The following COL1A1 variants were observed in gnomAD, a reference collection of about 807,000 sequenced individuals.
The protein encoded by COL1A1 is collagen type I alpha 1 chain.
Under a neutral mutation model 195.7 loss-of-function variants are expected in COL1A1, and 21 were observed. The ratio of observed to expected loss-of-function variants is 0.11; its 90% CI spans 0.08 to 0.15. The LOEUF (loss-of-function observed/expected upper bound fraction) is 0.15. Ranked by LOEUF, COL1A1 falls within the 10% of genes least tolerant of loss-of-function variation. COL1A1 has a pLI of 1.00. For missense variants in COL1A1, 1,365 were observed against 2,051.0 expected (o/e 0.67, Z 6.46); for synonymous variants, 749 against 747.3 (o/e 1.00, Z -0.04).
chr17:50,199,976 A>G (rs1047613927), intron 1 of COL1A1, 29 bp from the exon 2 acceptor site: 1 of 1,611,108 alleles, frequency 6.2e-7, no homozygotes, highest in African/African-American at 1.3e-5. Context: ...GGGCGTTGTC[A>G]GTAGTGACTG....
At chr17:50,193,785 A>C in intron 25 of COL1A1, 158 bp downstream of exon 25, 1 of 742,352 alleles carries the variant, frequency 1.3e-6, no homozygotes, top group Admixed American at 2.0e-5. Flanking sequence ...CCCGCCGAGA[A>C]GTCTTTCATT....
In COL1A1 at chr17:50,188,897, G is replaced by A. The variant is rs1379405367; in HGVS notation, c.3045+6C>T. On this transcript the variant is annotated splice_donor_region_variant and intron_variant, in intron 41 of 50. Transcript: ENST00000225964. The surrounding 1 kb of genome is among the most constrained non-coding windows in gnomAD (Gnocchi z 5.6). The stretch of plus-strand genomic sequence containing the variant: ...GGTACTGGCATGGGGGCTGGGGACT[G>A]CTCACCTCACGTCCAGATTCACCAG... 1 of 1,590,880 alleles carries A rather than the reference G, an allele frequency of 6.3e-7. No homozygotes were observed. The highest frequency in any genetic ancestry group is 1.1e-5 in the South Asian group (1 of 90,676).
chr17:50,189,974 G>A lies in COL1A1; in HGVS notation c.2559+27C>T, dbSNP rs199631268. ...TCCTGGGTCCCAGCCCACCAGCCTC[G>A]TGGGCACAGAGGGCCAAGCCACTCA... On this transcript the variant is annotated intron_variant, in intron 36 of 50. Coordinates refer to ENST00000225964, the MANE Select transcript of COL1A1 (RefSeq NM_000088.4). This position sits in a 1 kb window ranked among gnomAD's most constrained non-coding sequence, Gnocchi z 5.5. 6.1e-5 allele frequency: 99 copies of A among 1,612,256 alleles called. No individual in the cohort carries two copies. The highest frequency in any genetic ancestry group is 7.7e-5 in the Non-Finnish European group (91 of 1,179,184).
Position 50,195,921 on chromosome 17 carries a change from A to G in COL1A1, c.1056+2T>C, listed in dbSNP as rs750203677. 44 of 1,578,600 alleles carry G rather than the reference A, an allele frequency of 2.8e-5. No homozygotes were observed. The highest frequency in any genetic ancestry group is 3.3e-5 in the Non-Finnish European group (38 of 1,161,732). On this transcript the variant is annotated splice_donor_variant, in intron 16 of 50. Coordinates refer to ENST00000225964, the MANE Select transcript of COL1A1 (RefSeq NM_000088.4). LOFTEE classifies it high-confidence loss of function. The surrounding 1 kb of genome is among the most constrained non-coding windows in gnomAD (Gnocchi z 4.3). ...TGCTTAGAGGAGAGTGGGGGGTCTC[A>G]CCTTAGCACCAACAGCACCAGGGAA...
At position 50,186,692 on chromosome 17, in the gene COL1A1, G is replaced by C; in HGVS notation, c.3762C>G (p.Asn1254Lys). The C allele has an allele frequency of 1.2e-6, 2 of 1,613,750 alleles. No individual in the cohort carries two copies. Among genetic ancestry groups the C allele is most frequent in the Non-Finnish European group, 1.7e-6 (2 of 1,180,036 alleles). The change falls in exon 48 of 51, where the codon AAC (asparagine) becomes AAG (lysine). Residue 1254 changes from asparagine to lysine, a missense_variant. Asn to Lys is a moderately conservative substitution (Grantham distance 94). This residue lies in a region of COL1A1 where 273 missense variants were observed against 338.6 expected (regional missense o/e 0.81). Transcript: ENST00000225964. The surrounding 1 kb of genome is among the most constrained non-coding windows in gnomAD (Gnocchi z 5.3). ...TGAGGTCACGGCAGGTGCGGGCGGG[G>C]TTCTTGCGGCTGCCCTCTGGGCTCC... ...NIRSPEGSRK[N>K]PARTCRDLKM...
rs977903235 is a variant in COL1A1, at chr17:50,185,148, G to C, written c.*354C>G. ...GGGGGTGTGGAGAAAGGAGCAGAAA[G>C]GGCAGCATTGGGGTTTCATAAGCCC... On this transcript the variant is annotated 3_prime_UTR_variant, in exon 51 of 51. Transcript: ENST00000225964. The C allele has an allele frequency of 6.1e-6, 2 of 328,148 alleles. No homozygotes were observed. Among genetic ancestry groups the C allele is most frequent in the Middle Eastern group, 9.1e-4 (1 of 1,098 alleles). The allele number at this position is 328,148 out of a possible 1,614,324, so 20.3% of individuals were successfully genotyped here. A position where few individuals can be genotyped will look rare whatever the true frequency, so the allele number is the denominator to read the frequency against.
rs764594515 is a variant in COL1A1, at chr17:50,196,160, G to A, written c.997C>T (p.Pro333Ser). ...GGCCTACAGGCCACACTCACAGGGG[G>A]CCCGGCAGCACCAGTAGCACCATCA... ...GNDGATGAAG[P>S]PGPTGPAGPP... is the part of the protein sequence containing the mutation. Residue 333 changes from proline (P) to serine (S), a missense_variant, in exon 15 of 51, where the codon CCC becomes TCC. By Grantham distance (74) the Pro-to-Ser change is moderately conservative. Around this residue, in one of 5 missense-constraint regions of COL1A1, gnomAD observed 226 missense variants for 372.9 expected, o/e 0.61. Transcript: ENST00000225964. 7 of 1,613,916 alleles carry A rather than the reference G, an allele frequency of 4.3e-6. No individual in the cohort carries two copies. In the African/African-American group the frequency reaches 6.7e-5, roughly 15 times the overall value.
Position 50,188,050 on chromosome 17 carries a change from C to T in COL1A1, c.3261+46G>A. 6.2e-7 allele frequency: 1 copy of T among 1,613,524 alleles called. No homozygotes were observed. The highest frequency in any genetic ancestry group is 1.3e-5 in the African/African-American group (1 of 75,028). ...TTGGCATCGAGTGGGGCACTGTCTG[C>T]ATCTGTAGAGTTCTAAAGGCATGGG... is the stretch of plus-strand genomic sequence containing the variant. On this transcript the variant is annotated intron_variant, in intron 44 of 50. Transcript: ENST00000225964. The surrounding 1 kb of genome is among the most constrained non-coding windows in gnomAD (Gnocchi z 5.6).
At chr17:50,196,063 A>T in intron 15 of COL1A1, 87 bp from the exon 16 acceptor site, 2 of 1,604,912 alleles carry the variant, frequency 1.2e-6, no homozygotes, top group Admixed American at 3.4e-5. Flanking sequence ...TGGGGTTCAG[A>T]CCAACATAAC....
rs200794696 is a variant in COL1A1, at chr17:50,187,133, G to C, written c.3424-11C>G. On this transcript the variant is annotated splice_polypyrimidine_tract_variant and intron_variant, in intron 46 of 50. Transcript: ENST00000225964. ...AGAGCCAGGGGGACCCTGGAGTGGG[G>C]GAAATGGTTTGAGAAAGGCTGCCAG... The C allele has an allele frequency of 3.8e-6, 6 of 1,593,032 alleles. No homozygotes were observed. In the East Asian group the frequency reaches 1.4e-4, roughly 36 times the overall value.
intron 15 of COL1A1, 45 bp from the exon 16 acceptor site, chr17:50,196,021 C>A: frequency 6.3e-7 from 1 of 1,599,388 alleles, no homozygotes; most frequent in Non-Finnish European, 8.5e-7. Context: ...GAGATGGCAG[C>A]TGCAAGTCAC....
rs771918127 is a variant in COL1A1, at chr17:50,189,864, G to C, written c.2608C>G (p.Pro870Ala). The part of the protein sequence containing the change: ...GAKGARGSAG[P>A]PGATGFPGAA... ...GAGAGGCGGGTGATACTCACAGGGG[G>C]ACCAGCGCTGCCGCGAGCACCTTTG... Residue 870 changes from proline to alanine, a missense_variant, in exon 37 of 51, where the codon CCC (proline) becomes GCC (alanine). Around this residue, in one of 5 missense-constraint regions of COL1A1, gnomAD observed 671 missense variants for 1,099.9 expected, o/e 0.61. Coordinates refer to ENST00000225964, the MANE Select transcript of COL1A1 (RefSeq NM_000088.4). The surrounding 1 kb of genome is among the most constrained non-coding windows in gnomAD (Gnocchi z 5.5). The C allele has an allele frequency of 8.1e-6, 13 of 1,607,384 alleles. No homozygotes were observed. Among genetic ancestry groups the C allele is most frequent in the Middle Eastern group, 3.3e-4 (2 of 6,070 alleles).
chr17:50,185,601 G>A lies in COL1A1; in HGVS notation c.4296C>T (p.Thr1432=), dbSNP rs1059475. The A allele has an allele frequency of 9.9e-6, 16 of 1,614,044 alleles. No individual in the cohort carries two copies. The highest frequency in any genetic ancestry group is 1.4e-5 in the Non-Finnish European group (16 of 1,180,010). The change falls in exon 51 of 51, where the codon ACC becomes ACT. Residue 1432 remains threonine (T), a synonymous_variant. Coordinates refer to ENST00000225964, the MANE Select transcript of COL1A1 (RefSeq NM_000088.4). The part of the protein sequence containing the change: ...WGKTVIEYKT[T]KTSRLPIIDV... ...CGATGATGGGCAGGCGGGAGGTCTT[G>A]GTGGTTTTGTATTCAATCACTGTCT...
chr17:50,190,966 G>A lies in COL1A1; in HGVS notation c.2236-42C>T, dbSNP rs1324842269. The stretch of plus-strand genomic sequence containing the variant: ...GCTTGAGATTTCCAGTGTGGGGCAA[G>A]GAGGTGACCTATAGTGTTCTGCTTG... On this transcript the variant is annotated intron_variant, in intron 32 of 50. Coordinates refer to ENST00000225964, the MANE Select transcript of COL1A1 (RefSeq NM_000088.4). The surrounding 1 kb of genome is among the most constrained non-coding windows in gnomAD (Gnocchi z 4.7). 6 of 1,579,248 alleles carry A rather than the reference G, an allele frequency of 3.8e-6. No individual in the cohort carries two copies. The highest frequency in any genetic ancestry group is 3.3e-5 in the Admixed American group (2 of 59,750).
In COL1A1 at chr17:50,192,955, G is replaced by A. The variant is rs1156495425; in HGVS notation, c.1821+39C>T. The A allele has an allele frequency of 3.1e-6, 5 of 1,613,526 alleles. 1 individual carries two copies. The Middle Eastern group carries it at 6.6e-4, about 213-fold the overall frequency. On this transcript the variant is annotated intron_variant, in intron 26 of 50. Coordinates refer to ENST00000225964, the MANE Select transcript of COL1A1 (RefSeq NM_000088.4). ...GCAGGGAGGAGAAAGTGCCGGGGCA[G>A]CAATGGGAAGGAGGTAGGGATGGAA...
Position 50,192,797 on chromosome 17 carries a change from A to G in COL1A1, c.1875T>C (p.Ala625=), listed in dbSNP as rs1461837090. Residue 625 remains alanine (A), a splice_region_variant and synonymous_variant, in exon 27 of 51, where the codon GCT becomes GCC. Coordinates refer to ENST00000225964, the MANE Select transcript of COL1A1 (RefSeq NM_000088.4). The part of the protein sequence containing the change: ...EAGAQGPPGP[A]GPAGERGEQG... ...AGATCTCCCCATCAGGGACACTCAC[A>G]GCAGGGCCAGGGGGTCCCTGAGCTC... 1.9e-6 allele frequency: 3 copies of G among 1,613,952 alleles called. No homozygotes were observed. The highest frequency in any genetic ancestry group is 1.3e-5 in the African/African-American group (1 of 74,892).
chr17:50,185,349 G>T lies in COL1A1; in HGVS notation c.*153C>A. 1.3e-6 allele frequency: 1 copy of T among 749,638 alleles called. No homozygotes were observed. Among genetic ancestry groups the T allele is most frequent in the Non-Finnish European group, 2.1e-6 (1 of 475,776 alleles). 46.4% of individuals were successfully genotyped at this position (749,638 alleles called of 1,614,324 possible). A position where few individuals can be genotyped will look rare whatever the true frequency, so the allele number is the denominator to read the frequency against. ...AAGATAAAAACTAAGTTTGAGAGATGAATGCAAAGGAAAAAAATATTTTCC... is the reference window on the plus strand; with the variant it reads ...AAGATAAAAACTAAGTTTGAGAGATTAATGCAAAGGAAAAAAATATTTTCC... On this transcript the variant is annotated 3_prime_UTR_variant, in exon 51 of 51. Transcript: ENST00000225964.
In COL1A1 at chr17:50,195,910, TG is replaced by T. The variant is rs766175536; in HGVS notation, c.1056+12del. The T allele has an allele frequency of 3.7e-5, 58 of 1,570,770 alleles. No homozygotes were observed. Among genetic ancestry groups the T allele is most frequent in the Non-Finnish European group, 4.9e-5 (57 of 1,157,704 alleles). ...CATGAGGGTCATGCTTAGAGGAGAG[TG>T]GGGGGTCTCACCTTAGCACCAACAG... is the stretch of plus-strand genomic sequence containing the variant. On this transcript the variant is annotated intron_variant, in intron 16 of 50. Coordinates refer to ENST00000225964, the MANE Select transcript of COL1A1 (RefSeq NM_000088.4). This position sits in a 1 kb window ranked among gnomAD's most constrained non-coding sequence, Gnocchi z 4.3.
chr17:50,196,278 A>C, intron 14 of COL1A1, 36 bp downstream of exon 14: 2 of 1,609,164 alleles, frequency 1.2e-6, no homozygotes, highest in Non-Finnish European at 1.7e-6. Context: ...CCCCTTCCAG[A>C]GCTCAGGGAT....
Sources: gnomAD v4.1 joint callset for allele counts on GRCh38, gnomAD v4.1.1 for gene constraint, gnomAD v4.1.1 regional missense constraint, Gnocchi (gnomAD v3.1) non-coding constraint, MANE v1.5 for transcripts, NCBI Gene and HGNC (gene_info 2026-07-23, HGNC 2026-07-21) for gene names.